The following SEMA6D variants were observed in gnomAD, a reference collection of about 807,000 sequenced individuals.
The protein encoded by SEMA6D is semaphorin-6D.
Under a neutral mutation model 106.6 loss-of-function variants are expected in SEMA6D, and 35 were observed. The observed-to-expected ratio is 0.33, with a 90% CI of 0.25 to 0.44. SEMA6D has a LOEUF of 0.44. SEMA6D is among the 20% of genes least tolerant of loss of function. SEMA6D has a pLI of 1.00. For missense variants in SEMA6D, 1,185 were observed against 1,345.9 expected (o/e 0.88, Z 1.87); for synonymous variants, 499 against 487.7 (o/e 1.02, Z -0.31).
At chr15:47,634,417 A>G (rs1449108466) in intron 4 of SEMA6D, among the ~76,000 whole-genome samples, 4 of 152,070 alleles carry the variant, frequency 2.6e-5, no homozygotes, top group African/African-American at 9.7e-5. Context: ...GAGTCACACA[A>G]CTTTGTTACT....
rs190798182 is a variant in SEMA6D at position 47,773,678 on chromosome 15, G to A, written c.*1893G>A. On this transcript the variant is annotated 3_prime_UTR_variant, in exon 19 of 19. Transcript: ENST00000536845. ...TAAAGAACATTGTTTTATAAAGAAC[G>A]TGATTTCCAGTGATCTCTGGAAGCG... 2.9e-4 allele frequency: 45 copies of A among 152,684 alleles called. No homozygotes were observed. The highest frequency in any genetic ancestry group is 9.6e-4 in the African/African-American group (40 of 41,540). 9.5% of individuals were successfully genotyped at this position (152,684 alleles called of 1,614,324 possible).
Position 47,774,157 on chromosome 15 carries a change from AAAT to A in SEMA6D, c.*2377_*2379del, listed in dbSNP as rs1378617059. 1 of 152,656 alleles carries A rather than the reference AAAT, an allele frequency of 6.6e-6. No homozygotes were observed. Among genetic ancestry groups the A allele is most frequent in the Non-Finnish European group, 1.5e-5 (1 of 68,038 alleles). 9.5% of individuals were successfully genotyped at this position (152,656 alleles called of 1,614,324 possible). ...TTGTAAACTTGTATTGTGGATGTGT[AAAT>A]AATATGTACTTTGGGTTTTTAACAC... On this transcript the variant is annotated 3_prime_UTR_variant, in exon 19 of 19. Coordinates refer to ENST00000536845, the MANE Select transcript of SEMA6D (RefSeq NM_001358351.3).
At chr15:47,412,208 G>C (rs1297750016) in intron 1 of SEMA6D, among the ~76,000 whole-genome samples, 1 of 152,034 alleles carries the variant, frequency 6.6e-6, no homozygotes, top group Non-Finnish European at 1.5e-5. Context: ...CATAGTTAGG[G>C]CAGAGAGAGG....
intron 2 of SEMA6D, among the ~76,000 whole-genome samples, chr15:47,448,094 G>A (rs2042080989): frequency 6.6e-6 from 1 of 152,112 alleles, no homozygotes; most frequent in Non-Finnish European, 1.5e-5. Context: ...CACATTTGCT[G>A]ATGGGTGTCC....
At chr15:47,488,117 C>G (rs2043351178) in intron 3 of SEMA6D, among the ~76,000 whole-genome samples, 1 of 151,210 alleles carries the variant, frequency 6.6e-6, no homozygotes, top group African/African-American at 2.5e-5. Context: ...CTGAATCAGT[C>G]ATACTGTTTT....
intron 3 of SEMA6D, among the ~76,000 whole-genome samples, chr15:47,592,190 T>C (rs1015225898): frequency 6.6e-6 from 1 of 152,160 alleles, no homozygotes; most frequent in Non-Finnish European, 1.5e-5. Context: ...TACATTTCAT[T>C]AAAAATCAAT....
At chr15:47,593,144 C>T (rs767199226) in intron 3 of SEMA6D, among the ~76,000 whole-genome samples, 5 of 152,136 alleles carry the variant, frequency 3.3e-5, no homozygotes, top group Admixed American at 1.3e-4. Flanking sequence ...GTGGCTCACA[C>T]CTATAATCCC....
intron 1 of SEMA6D, among the ~76,000 whole-genome samples, chr15:47,384,634 C>T (rs752740126): frequency 2.0e-5 from 3 of 152,188 alleles, no homozygotes; most frequent in Non-Finnish European, 4.4e-5. Context: ...AACGCCTACA[C>T]GCCTCATGCC....
At chr15:47,730,709 G>T (rs1238141210) in intron 1 of SEMA6D, 9 of 1,606,436 alleles carry the variant, frequency 5.6e-6, no homozygotes, top group Non-Finnish European at 7.6e-6. Context: ...ATCGCAGGAG[G>T]CACTTTCAGC....
At chr15:47,677,301 G>C (rs1033772569) in intron 4 of SEMA6D, among the ~76,000 whole-genome samples, 1 of 152,164 alleles carries the variant, frequency 6.6e-6, no homozygotes, top group Non-Finnish European at 1.5e-5. Flanking sequence ...GCTGTTGATT[G>C]TATTGCCTGT....
At chr15:47,577,067 G>C (rs2076168092) in intron 3 of SEMA6D, among the ~76,000 whole-genome samples, 1 of 152,200 alleles carries the variant, frequency 6.6e-6, no homozygotes, top group Non-Finnish European at 1.5e-5. Flanking sequence ...TAGGATTTTT[G>C]TTTGAGTAGG....
chr15:47,445,683 T>C (rs1466757146), intron 2 of SEMA6D, among the ~76,000 whole-genome samples: 1 of 152,132 alleles, frequency 6.6e-6, no homozygotes, highest in Non-Finnish European at 1.5e-5. Flanking sequence ...GTTTAGATTG[T>C]TTTCAGTTTA....
intron 1 of SEMA6D, among the ~76,000 whole-genome samples, chr15:47,755,461 T>C (rs1275818646): frequency 1.3e-5 from 2 of 152,220 alleles, no homozygotes; most frequent in African/African-American, 4.8e-5. Flanking sequence ...TAATTTCTAC[T>C]TGAATGTTGG....
chr15:47,683,209 A>T (rs747376071), intron 4 of SEMA6D, among the ~76,000 whole-genome samples: 13 of 152,066 alleles, frequency 8.5e-5, no homozygotes, highest in Non-Finnish European at 1.9e-4. Flanking sequence ...CTCACCTCTC[A>T]CCTACCCTTC....
chr15:47,626,167 A>G (rs191571570), intron 4 of SEMA6D, among the ~76,000 whole-genome samples: 9 of 152,266 alleles, frequency 5.9e-5, no homozygotes, highest in Admixed American at 2.6e-4. Context: ...GGGCATAAGC[A>G]TTGCTCACCT....
chr15:47,557,441 A>C (rs1043624677), intron 3 of SEMA6D, among the ~76,000 whole-genome samples: 6 of 152,154 alleles, frequency 3.9e-5, no homozygotes, highest in African/African-American at 7.2e-5. Flanking sequence ...AAATGCATAG[A>C]TAAGCTTTTT....
intron 1 of SEMA6D, among the ~76,000 whole-genome samples, chr15:47,204,519 G>A (rs762815356): frequency 6.6e-6 from 1 of 152,076 alleles, no homozygotes; most frequent in Non-Finnish European, 1.5e-5. Context: ...GGTCAGTTGA[G>A]GTCTGGATTG....
Position 47,553,991 on chromosome 15 carries a change from G to C in SEMA6D, c.-86-46874G>C, listed in dbSNP as rs186009617. ...AGAAAAAAGGTGAGGATGAGACAAGGTATAGAAAGGCATGGGAAAGGAAAC... is the reference window on the plus strand; with the variant it reads ...AGAAAAAAGGTGAGGATGAGACAAGCTATAGAAAGGCATGGGAAAGGAAAC... On this transcript the variant is annotated intron_variant, in intron 3 of 19. Coordinates refer to the SEMA6D transcript ENST00000558014. 2.0e-5 allele frequency among the ~76,000 whole-genome samples: 3 copies of C among 152,258 alleles called. No individual in the cohort carries two copies. In the East Asian group the frequency reaches 5.8e-4, roughly 29 times the overall value.
At chr15:47,370,521 A>G (rs1263969645) in intron 1 of SEMA6D, among the ~76,000 whole-genome samples, 1 of 151,392 alleles carries the variant, frequency 6.6e-6, no homozygotes, top group African/African-American at 2.4e-5. Context: ...TCTCAAAAAC[A>G]AAAAAGAAAG....
Sources: gnomAD v4.1 joint callset for allele counts (sites outside exome capture counted in the v4.1 genomes callset) on GRCh38, gnomAD v4.1.1 for gene constraint, MANE v1.5 for transcripts, NCBI Gene and HGNC (gene_info 2026-07-23, HGNC 2026-07-21) for gene names.